Variants in ACOT4 observed in about 807,000 individuals in gnomAD.
The protein encoded by ACOT4 is peroxisomal succinyl-coenzyme A thioesterase.
Under a neutral mutation model 17.1 loss-of-function variants are expected in ACOT4, and 18 were observed. The observed-to-expected ratio is 1.05, with a 90% confidence interval of 0.73 to 1.56. The LOEUF (loss-of-function observed/expected upper bound fraction) is 1.56. ACOT4 is among the 40% of genes most tolerant of loss of function. The pLI is 0.00. For missense variants in ACOT4, 574 were observed against 557.2 expected, an observed-to-expected ratio of 1.03 and a Z score of -0.30; for synonymous variants, 234 against 236.6, an observed-to-expected ratio of 0.99 and a Z score of 0.10.
rs1049977831 is a variant in ACOT4 at position 73,592,042 on chromosome 14, C to T, written c.83C>T (p.Pro28Leu). The T allele has an allele frequency of 2.7e-6, 4 of 1,461,478 alleles. No individual in the cohort carries two copies. Among genetic ancestry groups the T allele is most frequent in the Non-Finnish European group, 3.6e-6 (4 of 1,108,984 alleles). 90.5% of individuals were successfully genotyped at this position (1,461,478 alleles called of 1,614,324 possible). The change falls in exon 1 of 3, where the codon CCG becomes CTG. Residue 28 changes from proline to leucine, a missense_variant. Transcript: ENST00000326303. ...CGCATTGCCGTGCGCGGCCTGGCCC[C>T]GGAGCAGCGGGTTACGCTGCGCGCG... Reference protein sequence around the residue: ...PVRIAVRGLAPEQRVTLRASL... With the variant: ...PVRIAVRGLALEQRVTLRASL...
chr14:73,595,504 T>G lies in ACOT4; in HGVS notation c.1116T>G (p.Ala372=), dbSNP rs1345232606. ...IEPPYFPLCP[A]SLHRLLNKHV... is the part of the protein sequence containing the mutation. ...CTCCTTACTTCCCCCTGTGCCCAGC[T>G]TCCCTTCACAGATTACTGAACAAAC... Residue 372 remains alanine (A), a synonymous_variant, in exon 3 of 3, where the codon GCT becomes GCG. Coordinates refer to ENST00000326303, the MANE Select transcript of ACOT4 (RefSeq NM_152331.4). The G allele has an allele frequency of 6.2e-7, 1 of 1,613,786 alleles. No homozygotes were observed. Among genetic ancestry groups the G allele is most frequent in the South Asian group, 1.1e-5 (1 of 91,088 alleles).
rs1165852181 is a variant in ACOT4 at position 73,595,572 on chromosome 14, A to G, written c.1184A>G (p.Gln395Arg). 3.2e-6 allele frequency: 5 copies of G among 1,583,488 alleles called. No individual in the cohort carries two copies. The highest frequency in any genetic ancestry group is 4.3e-6 in the Non-Finnish European group (5 of 1,161,006). ...GAGCCCAGGGCTCATTCTAAGGCCC[A>G]GGAAGATGCCTGGAAGCAAATTCTA... Reference protein sequence around the residue: ...GGEPRAHSKAQEDAWKQILAF... With the variant: ...GGEPRAHSKAREDAWKQILAF... Residue 395 changes from glutamine to arginine, a missense_variant, in exon 3 of 3, where the codon CAG (glutamine) becomes CGG (arginine). Gln to Arg is a conservative substitution (Grantham distance 43). Transcript: ENST00000326303.
chr14:73,592,019 C>T lies in ACOT4; in HGVS notation c.60C>T (p.Arg20=). The change falls in exon 1 of 3, where the codon CGC becomes CGT. Residue 20 remains arginine (R), a synonymous_variant. Coordinates refer to ENST00000326303, the MANE Select transcript of ACOT4 (RefSeq NM_152331.4). ...GCTGCTGCTGGAACGAGCCGGTGCGCATTGCCGTGCGCGGCCTGGCCCCGG... is the reference window on the plus strand; with the variant it reads ...GCTGCTGCTGGAACGAGCCGGTGCGTATTGCCGTGCGCGGCCTGGCCCCGG... ...PGRCCWNEPV[R]IAVRGLAPEQ... The T allele has an allele frequency of 6.9e-7, 1 of 1,441,468 alleles. No individual in the cohort carries two copies. The highest frequency in any genetic ancestry group is 9.1e-7 in the Non-Finnish European group (1 of 1,099,566). The allele number at this position is 1,441,468 out of a possible 1,614,324, so 89.3% of individuals were successfully genotyped here. A position where few individuals can be genotyped will look rare whatever the true frequency, so the allele number is the denominator to read the frequency against.
chr14:73,595,015 A>G (rs1210866526), intron 2 of ACOT4, 34 bp from the exon 3 acceptor site: 1 of 1,607,604 alleles, frequency 6.2e-7, no homozygotes, highest in Non-Finnish European at 8.5e-7. Context: ...TGGATAAGTT[A>G]TTGACTCAAC....
Position 73,591,916 on chromosome 14 carries a change from G to T in ACOT4, c.-44G>T. 1.5e-6 allele frequency: 2 copies of T among 1,344,252 alleles called. No homozygotes were observed. Among genetic ancestry groups the T allele is most frequent in the Non-Finnish European group, 1.9e-6 (2 of 1,045,620 alleles). 83.3% of individuals were successfully genotyped at this position (1,344,252 alleles called of 1,614,324 possible). On this transcript the variant is annotated 5_prime_UTR_variant, in exon 1 of 3. Transcript: ENST00000326303. ...CGGCGCGCTTGCCACGATCTTGGACGGGTCTCGGGCCTCGACCTTTGAATT... is the reference window on the plus strand; with the variant it reads ...CGGCGCGCTTGCCACGATCTTGGACTGGTCTCGGGCCTCGACCTTTGAATT...
intron 1 of ACOT4, 24 bp from the exon 2 acceptor site, chr14:73,593,678 C>T (rs1195544793): frequency 1.9e-6 from 3 of 1,577,034 alleles, no homozygotes; most frequent in African/African-American, 1.4e-5. Context: ...TAATGGCTTA[C>T]ATTTATAATA....
At chr14:73,593,404 T>G (rs1407737986) in intron 1 of ACOT4, among the ~76,000 whole-genome samples, 1 of 137,002 alleles carries the variant, frequency 7.3e-6, no homozygotes, top group Non-Finnish European at 1.5e-5. Context: ...AGTGGTGTGG[T>G]CACACCTCAC....
chr14:73,595,308 G>C lies in ACOT4; in HGVS notation c.920G>C (p.Ser307Thr), dbSNP rs1481566499. The C allele has an allele frequency of 6.2e-7, 1 of 1,614,236 alleles. No homozygotes were observed. Among genetic ancestry groups the C allele is most frequent in the South Asian group, 1.1e-5 (1 of 91,090 alleles). ...NALVGGYKNP[S>T]MIPIEKAQGP... ...CTCGTAGGAGGGTACAAGAACCCCA[G>C]CATGATTCCAATAGAGAAGGCCCAG... Residue 307 changes from serine to threonine, a missense_variant, in exon 3 of 3, where the codon AGC (serine) becomes ACC (threonine). Coordinates refer to ENST00000326303, the MANE Select transcript of ACOT4 (RefSeq NM_152331.4).
chr14:73,595,481 C>G lies in ACOT4; in HGVS notation c.1093C>G (p.Pro365Ala), dbSNP rs1218011310. 2 of 1,614,096 alleles carry G rather than the reference C, an allele frequency of 1.2e-6. No homozygotes were observed. The highest frequency in any genetic ancestry group is 3.3e-5 in the Admixed American group (2 of 60,018). The change falls in exon 3 of 3, where the codon CCT becomes GCT. Residue 365 changes from proline to alanine, a missense_variant. Physicochemically the swap from Pro to Ala is conservative, Grantham distance 27. Coordinates refer to ENST00000326303, the MANE Select transcript of ACOT4 (RefSeq NM_152331.4). ...TGGGACTGGGCATTACATCGAGCCT[C>G]CTTACTTCCCCCTGTGCCCAGCTTC... ...YPGTGHYIEPPYFPLCPASLH... is the reference protein window; with the variant it reads ...YPGTGHYIEPAYFPLCPASLH...
chr14:73,592,066 C>A lies in ACOT4; in HGVS notation c.107C>A (p.Ala36Glu). The A allele has an allele frequency of 6.8e-7, 1 of 1,479,558 alleles. No homozygotes were observed. The highest frequency in any genetic ancestry group is 9.0e-7 in the Non-Finnish European group (1 of 1,117,188). 91.7% of individuals were successfully genotyped at this position (1,479,558 alleles called of 1,614,324 possible). ...CCGGAGCAGCGGGTTACGCTGCGCGCGTCCCTGCGCGACGAGAAGGGCGCG... is the reference window on the plus strand; with the variant it reads ...CCGGAGCAGCGGGTTACGCTGCGCGAGTCCCTGCGCGACGAGAAGGGCGCG... Reference protein sequence around the residue: ...LAPEQRVTLRASLRDEKGALF... With the variant: ...LAPEQRVTLRESLRDEKGALF... The change falls in exon 1 of 3, where the codon GCG becomes GAG. Residue 36 changes from alanine (A) to glutamate (E), a missense_variant. Physicochemically the swap from Ala to Glu is moderately radical, Grantham distance 107 (BLOSUM62 -1). Coordinates refer to ENST00000326303, the MANE Select transcript of ACOT4 (RefSeq NM_152331.4).
chr14:73,593,803 G>A lies in ACOT4; in HGVS notation c.559G>A (p.Ala187Thr). 1.2e-6 allele frequency: 2 copies of A among 1,613,792 alleles called. No homozygotes were observed. Among genetic ancestry groups the A allele is most frequent in the Non-Finnish European group, 1.7e-6 (2 of 1,179,798 alleles). ...LLAGHGFATLALAYYNFEDLP... is the reference protein window; with the variant it reads ...LLAGHGFATLTLAYYNFEDLP... ...TGCTGGCCATGGCTTTGCCACGTTGGCTCTAGCTTATTATAACTTTGAAGA... is the reference window on the plus strand; with the variant it reads ...TGCTGGCCATGGCTTTGCCACGTTGACTCTAGCTTATTATAACTTTGAAGA... Residue 187 changes from alanine (A) to threonine (T), a missense_variant, in exon 2 of 3, where the codon GCT (alanine) becomes ACT (threonine). Ala to Thr is a moderately conservative substitution (Grantham distance 58, BLOSUM62 0). Transcript: ENST00000326303.
rs765311482 is a variant in ACOT4, at chr14:73,592,181, A to C, written c.222A>C (p.Gly74=). 6.2e-7 allele frequency: 1 copy of C among 1,607,276 alleles called. No individual in the cohort carries two copies. The highest frequency in any genetic ancestry group is 1.1e-5 in the South Asian group (1 of 89,940). Reference sequence around the variant, plus strand: ...CCGCGCTGGGCGGCAGCTTCGCGGGACTCGAGCCCATGGGGCTGCTCTGGG... The same window carrying C: ...CCGCGCTGGGCGGCAGCTTCGCGGGCCTCGAGCCCATGGGGCTGCTCTGGG... ...RAPALGGSFA[G]LEPMGLLWAL... Residue 74 remains glycine, a synonymous_variant, in exon 1 of 3, where the codon GGA becomes GGC. Coordinates refer to ENST00000326303, the MANE Select transcript of ACOT4 (RefSeq NM_152331.4).
rs766399598 is a variant in ACOT4, at chr14:73,592,040, C to G, written c.81C>G (p.Ala27=). Reference sequence around the variant, plus strand: ...TGCGCATTGCCGTGCGCGGCCTGGCCCCGGAGCAGCGGGTTACGCTGCGCG... The same window carrying G: ...TGCGCATTGCCGTGCGCGGCCTGGCGCCGGAGCAGCGGGTTACGCTGCGCG... The part of the protein sequence containing the change: ...EPVRIAVRGL[A]PEQRVTLRAS... The change falls in exon 1 of 3, where the codon GCC becomes GCG. Residue 27 remains alanine (A), a synonymous_variant. Transcript: ENST00000326303. The G allele has an allele frequency of 2.7e-5, 40 of 1,461,512 alleles. No homozygotes were observed. The Middle Eastern group carries it at 8.7e-4, about 32-fold the overall frequency. 90.5% of individuals were successfully genotyped at this position (1,461,512 alleles called of 1,614,324 possible).
chr14:73,592,383 G>C lies in ACOT4; in HGVS notation c.424G>C (p.Gly142Arg), dbSNP rs1337973452. ...GGTGCGGCGCCAGTCGGTGCGAGCG[G>C]GCCGGGTGCGCGCCACGCTCTTCCT... ...PGVRRQSVRA[G>R]RVRATLFLPP... is the part of the protein sequence containing the mutation. The change falls in exon 1 of 3, where the codon GGC becomes CGC. Residue 142 changes from glycine to arginine, a missense_variant. Gly to Arg is a moderately radical substitution (Grantham distance 125, BLOSUM62 -2). Coordinates refer to ENST00000326303, the MANE Select transcript of ACOT4 (RefSeq NM_152331.4). The C allele has an allele frequency of 6.4e-7, 1 of 1,555,562 alleles. No individual in the cohort carries two copies. The highest frequency in any genetic ancestry group is 8.7e-7 in the Non-Finnish European group (1 of 1,155,338).
intron 2 of ACOT4, among the ~76,000 whole-genome samples, chr14:73,594,587 A>C (rs1031231463): frequency 6.6e-6 from 1 of 152,156 alleles, no homozygotes; most frequent in Non-Finnish European, 1.5e-5. Context: ...CTGTCAGCTG[A>C]GGTTGATTTT....
Position 73,592,239 on chromosome 14 carries a change from C to T in ACOT4, c.280C>T (p.Leu94=), listed in dbSNP as rs1566865416. 1.2e-6 allele frequency: 2 copies of T among 1,613,272 alleles called. No homozygotes were observed. The highest frequency in any genetic ancestry group is 1.7e-6 in the Non-Finnish European group (2 of 1,179,510). Residue 94 remains leucine, a synonymous_variant, in exon 1 of 3, where the codon CTG becomes TTG. Coordinates refer to ENST00000326303, the MANE Select transcript of ACOT4 (RefSeq NM_152331.4). ...ACCCGAGAAGCCTTTTTGGCGCTTC[C>T]TGAAGCGGGACGTACAGATTCCTTT... ...LEPEKPFWRF[L]KRDVQIPFVV...
chr14:73,595,001 A>C, intron 2 of ACOT4, 48 bp from the exon 3 acceptor site: 2 of 1,598,614 alleles, frequency 1.3e-6, no homozygotes, highest in African/African-American at 2.7e-5. Context: ...CACCGCACCC[A>C]ATCTGGATAA....
chr14:73,592,161 C>G lies in ACOT4; in HGVS notation c.202C>G (p.Leu68Val), dbSNP rs746758354. ...GCTGGACCTGGAGCGCGCACCCGCG[C>G]TGGGCGGCAGCTTCGCGGGACTCGA... is the stretch of plus-strand genomic sequence containing the variant. The part of the protein sequence containing the change: ...GELDLERAPA[L>V]GGSFAGLEPM... Residue 68 changes from leucine to valine, a missense_variant, in exon 1 of 3, where the codon CTG (leucine) becomes GTG (valine). Physicochemically the swap from Leu to Val is conservative, Grantham distance 32. Coordinates refer to ENST00000326303, the MANE Select transcript of ACOT4 (RefSeq NM_152331.4). 41 of 1,601,016 alleles carry G rather than the reference C, an allele frequency of 2.6e-5. No homozygotes were observed. The Admixed American group carries it at 7.0e-4, about 27-fold the overall frequency.
Position 73,595,741 on chromosome 14 carries a change from C to T in ACOT4, c.*87C>T. The stretch of plus-strand genomic sequence containing the variant: ...TGTGAATCAGATGTCTCCTGGATAA[C>T]ATTAAAGCCATGTCTTTGTCATTAA... On this transcript the variant is annotated 3_prime_UTR_variant, in exon 3 of 3. Transcript: ENST00000326303. 2 of 1,400,214 alleles carry T rather than the reference C, an allele frequency of 1.4e-6. No individual in the cohort carries two copies. Among genetic ancestry groups the T allele is most frequent in the Non-Finnish European group, 1.9e-6 (2 of 1,055,888 alleles). The allele number at this position is 1,400,214 out of a possible 1,614,324, so 86.7% of individuals were successfully genotyped here.
Sources: gnomAD v4.1 joint callset for allele counts (sites outside exome capture counted in the v4.1 genomes callset) on GRCh38, gnomAD v4.1.1 for gene constraint, MANE v1.5 for transcripts, NCBI Gene and HGNC (gene_info 2026-07-23, HGNC 2026-07-21) for gene names.